The following PLOD2 variants were observed in gnomAD, a reference collection of about 807,000 sequenced individuals.
PLOD2 encodes procollagen-lysine,2-oxoglutarate 5-dioxygenase 2.
A neutral mutation model predicts 101.0 loss-of-function variants in PLOD2; 65 were observed. The ratio of observed to expected loss-of-function variants is 0.64; its 90% confidence interval spans 0.53 to 0.79. The LOEUF (loss-of-function observed/expected upper bound fraction) is 0.79. PLOD2 is among the 30% of genes least tolerant of loss of function. PLOD2 has a pLI of 0.00. For missense variants in PLOD2, 909 were observed against 914.6 expected, an observed-to-expected ratio of 0.99 and a Z score of 0.08; for synonymous variants, 314 against 302.9, an observed-to-expected ratio of 1.04 and a Z score of -0.38.
intron 1 of PLOD2, among the ~76,000 whole-genome samples, chr3:146,160,296 G>A (rs2032507491): frequency 6.6e-6 from 1 of 152,212 alleles, no homozygotes; most frequent in Admixed American, 6.5e-5. Flanking sequence ...GCAGCTGTGT[G>A]TCCACAGCTT....
intron 11 of PLOD2, 48 bp from the exon 12 acceptor site, chr3:146,081,911 T>C (rs1160655904): frequency 1.3e-6 from 2 of 1,524,644 alleles, no homozygotes; most frequent in African/African-American, 2.8e-5. Context: ...TATATAATTA[T>C]TTATTTTTAA....
chr3:146,156,442 G>A (rs1057290589), intron 1 of PLOD2, among the ~76,000 whole-genome samples: 2 of 152,198 alleles, frequency 1.3e-5, no homozygotes, highest in South Asian at 2.1e-4. Context: ...AAATGAATGT[G>A]GCTGAGAGCC....
At chr3:146,134,711 C>A (rs2031127005) in intron 1 of PLOD2, among the ~76,000 whole-genome samples, 1 of 152,176 alleles carries the variant, frequency 6.6e-6, no homozygotes, top group African/African-American at 2.4e-5. Flanking sequence ...GGAACCAGGA[C>A]AAACCAGCAC....
chr3:146,084,153 A>C (rs989086488), intron 11 of PLOD2, among the ~76,000 whole-genome samples: 1 of 152,144 alleles, frequency 6.6e-6, no homozygotes, highest in African/African-American at 2.4e-5. Context: ...ACACTATTTC[A>C]TATCTCTAGG....
rs995194805 is a variant in PLOD2, at chr3:146,092,015, T to C, written c.778-114A>G. On this transcript the variant is annotated intron_variant, in intron 7 of 19. Transcript: ENST00000282903. Reference sequence around the variant, plus strand: ...TTCTGCAGCAGGTATATTCCTTTAGTAATTCTACTAATATATCATCTGTAG... The same window carrying C: ...TTCTGCAGCAGGTATATTCCTTTAGCAATTCTACTAATATATCATCTGTAG... The C allele has an allele frequency of 2.2e-5, 15 of 683,794 alleles. No individual in the cohort carries two copies. The African/African-American group carries it at 2.3e-4, about 11-fold the overall frequency. The allele number at this position is 683,794 out of a possible 1,614,324, so 42.4% of individuals were successfully genotyped here. A position where few individuals can be genotyped will look rare whatever the true frequency, so the allele number is the denominator to read the frequency against.
chr3:146,091,146 C>G (rs1173986367), intron 8 of PLOD2, among the ~76,000 whole-genome samples: 2 of 151,768 alleles, frequency 1.3e-5, no homozygotes, highest in Admixed American at 1.3e-4. Context: ...ATACAAGTAG[C>G]AACATGCCTA....
intron 1 of PLOD2, among the ~76,000 whole-genome samples, chr3:146,148,600 C>T (rs573913007): frequency 6.6e-6 from 1 of 152,168 alleles, no homozygotes; most frequent in African/African-American, 2.4e-5. Context: ...ATTTTAAAAA[C>T]ATCATCCTCA....
At chr3:146,115,917 A>C (rs1196194777) in intron 3 of PLOD2, among the ~76,000 whole-genome samples, 11 of 152,186 alleles carry the variant, frequency 7.2e-5, no homozygotes, top group Admixed American at 5.9e-4. Flanking sequence ...ACTTTTTACA[A>C]AAACAGGCAG....
At chr3:146,135,224 A>C (rs1214712115) in intron 1 of PLOD2, among the ~76,000 whole-genome samples, 1 of 152,144 alleles carries the variant, frequency 6.6e-6, no homozygotes, top group African/African-American at 2.4e-5. Context: ...GCAGCTCAGA[A>C]TCCTCCCCTA....
chr3:146,106,430 A>T (rs970079588), intron 5 of PLOD2, 102 bp downstream of exon 5: 1 of 746,740 alleles, frequency 1.3e-6, no homozygotes, highest in Non-Finnish European at 2.5e-6. Flanking sequence ...ACCATTTGCC[A>T]TACTATCATA....
intron 11 of PLOD2, among the ~76,000 whole-genome samples, chr3:146,084,338 A>G (rs1936682616): frequency 6.6e-6 from 1 of 152,004 alleles, no homozygotes; most frequent in South Asian, 2.1e-4. Context: ...TGAAGTAAGA[A>G]CTAAATTCTC....
chr3:146,070,879 A>G lies in PLOD2; in HGVS notation c.2122-7T>C, dbSNP rs1213705246. ...GAAATTTGCAACCACCTCCCTAAAA[A>G]AGTTAAAATGAAGAAATACATCAGA... On this transcript the variant is annotated splice_polypyrimidine_tract_variant and splice_region_variant and intron_variant, in intron 19 of 19. Transcript: ENST00000282903. 1 of 1,603,504 alleles carries G rather than the reference A, an allele frequency of 6.2e-7. No homozygotes were observed. Among genetic ancestry groups the G allele is most frequent in the Non-Finnish European group, 8.5e-7 (1 of 1,172,148 alleles).
intron 7 of PLOD2, 126 bp from the exon 8 acceptor site, chr3:146,092,027 T>C (rs754003727): frequency 3.6e-5 from 24 of 672,436 alleles, no homozygotes; most frequent in Middle Eastern, 3.4e-4. Context: ...ATTCTACTAA[T>C]ATATCATCTG....
intron 1 of PLOD2, among the ~76,000 whole-genome samples, chr3:146,159,560 TTC>T (rs1308250109): frequency 1.3e-5 from 2 of 152,238 alleles, no homozygotes; most frequent in Non-Finnish European, 2.9e-5. Context: ...AGGCTTTTTG[TTC>T]TGTTTTTCCT....
chr3:146,079,656 C>T (rs1936463698), intron 12 of PLOD2, among the ~76,000 whole-genome samples: 1 of 151,866 alleles, frequency 6.6e-6, no homozygotes, highest in African/African-American at 2.4e-5. Context: ...CATACTGGCT[C>T]CCCAAAGTTA....
intron 4 of PLOD2, among the ~76,000 whole-genome samples, chr3:146,107,684 T>G: frequency 7.7e-6 from 1 of 129,628 alleles, no homozygotes; most frequent in Non-Finnish European, 1.6e-5. Flanking sequence ...TCACCCAGGC[T>G]GGAGTGCAAA....
rs1936057791 is a variant in PLOD2 at position 146,069,827 on chromosome 3, T to TA, written c.*889dup. On this transcript the variant is annotated 3_prime_UTR_variant, in exon 20 of 20. Coordinates refer to ENST00000282903, the MANE Select transcript of PLOD2 (RefSeq NM_182943.3). ...AAATTCAAGTACTTAAAAAGTTTTT[T>TA]AAAAAATAATTAAATGCACTACTCA... is the stretch of plus-strand genomic sequence containing the variant. 6.6e-6 allele frequency: 1 copy of TA among 152,198 alleles called. No homozygotes were observed. Among genetic ancestry groups the TA allele is most frequent in the Admixed American group, 6.6e-5 (1 of 15,178 alleles). 9.4% of individuals were successfully genotyped at this position (152,198 alleles called of 1,614,324 possible).
Position 146,088,883 on chromosome 3 carries a change from G to C in PLOD2, c.880-172C>G, listed in dbSNP as rs1169992763. 6.7e-6 allele frequency: 4 copies of C among 595,528 alleles called. No individual in the cohort carries two copies. The East Asian group carries it at 1.2e-4, about 17-fold the overall frequency. The allele number at this position is 595,528 out of a possible 1,614,324, so 36.9% of individuals were successfully genotyped here. A position where few individuals can be genotyped will look rare whatever the true frequency, so the allele number is the denominator to read the frequency against. ...TCTCTAACACTTGAAACAAATTTTT[G>C]TGGCCCCCCCAATCAAAGTGATTTT... On this transcript the variant is annotated intron_variant, in intron 8 of 19. Coordinates refer to ENST00000282903, the MANE Select transcript of PLOD2 (RefSeq NM_182943.3).
chr3:146,096,141 G>C (rs912014338), intron 7 of PLOD2, among the ~76,000 whole-genome samples: 19 of 149,692 alleles, frequency 1.3e-4, no homozygotes, highest in African/African-American at 4.4e-4. Flanking sequence ...CGCCAGCCTC[G>C]GCCTCCCGAG....
Sources: allele counts gnomAD v4.1 joint callset (sites outside exome capture counted in the v4.1 genomes callset), GRCh38; gene constraint gnomAD v4.1.1; transcripts MANE v1.5; gene names NCBI Gene and HGNC (gene_info 2026-07-23, HGNC 2026-07-21).